ASIC1: variants seen among roughly 807,000 people sequenced by gnomAD.
ASIC1 encodes the protein acid sensing ion channel subunit 1.
ASIC1 carries 21 observed loss-of-function variants against 63.4 expected under a neutral mutation model. The observed-to-expected ratio is 0.33, with a 90% CI of 0.23 to 0.48. The LOEUF (loss-of-function observed/expected upper bound fraction) is 0.48. ASIC1 is among the 20% of genes least tolerant of loss of function. The pLI, the probability that ASIC1 is intolerant of heterozygous loss-of-function variation, is 0.99. For synonymous variants in ASIC1, 258 were observed against 278.2 expected (o/e 0.93, Z 0.72); for missense variants, 478 against 695.5 (o/e 0.69, Z 3.52).
At chr12:50,081,463 C>G in intron 11 of ASIC1, 82 bp from the exon 12 acceptor site, 1 of 955,986 alleles carries the variant, frequency 1.0e-6, no homozygotes, top group East Asian at 5.0e-5. Context: ...ACCACCTTCT[C>G]TCCTTTGCCT....
At chr12:50,080,404 G>A (rs1242610035) in intron 8 of ASIC1, 94 bp from the exon 9 acceptor site, 1 of 1,195,800 alleles carries the variant, frequency 8.4e-7, no homozygotes, top group Non-Finnish European at 1.2e-6. Flanking sequence ...TATGGAAACT[G>A]AGATTCAGAG....
chr12:50,059,994 C>T lies in ASIC1; in HGVS notation c.558+40C>T. ...GTGGGGTGTGAGTCAGCCTGGCCCA[C>T]AGAGGAGGAGGAGGAGACAAGGAGC... On this transcript the variant is annotated intron_variant, in intron 3 of 11. Coordinates refer to ENST00000447966, the MANE Select transcript of ASIC1 (RefSeq NM_001095.4). The surrounding 1 kb of genome is among the most constrained non-coding windows in gnomAD (Gnocchi z 4.6). 1 of 1,603,930 alleles carries T rather than the reference C, an allele frequency of 6.2e-7. No individual in the cohort carries two copies. Among genetic ancestry groups the T allele is most frequent in the Non-Finnish European group, 8.5e-7 (1 of 1,173,698 alleles).
At chr12:50,072,474 G>A (rs1017197505) in intron 3 of ASIC1, among the ~76,000 whole-genome samples, 24 of 152,196 alleles carry the variant, frequency 1.6e-4, no homozygotes, top group Admixed American at 1.2e-3. Context: ...CGGTAGGGGA[G>A]CCTCAGAGAC....
rs368004454 is a variant in ASIC1 at position 50,059,307 on chromosome 12, G to A, written c.362+179G>A. Among the ~76,000 whole-genome samples, 124 of 152,110 alleles carry A rather than the reference G, an allele frequency of 8.2e-4. 1 individual carries two copies. Among genetic ancestry groups the A allele is most frequent in the African/African-American group, 2.9e-3 (120 of 41,490 alleles). On this transcript the variant is annotated intron_variant, in intron 2 of 11. Coordinates refer to ENST00000447966, the MANE Select transcript of ASIC1 (RefSeq NM_001095.4). This position sits in a 1 kb window ranked among gnomAD's most constrained non-coding sequence, Gnocchi z 4.6. ...GGTGCTGCTGAGCACCCAGTTAAGG[G>A]CACCCAGCCTCCGATCCCAGCATAG...
chr12:50,061,653 G>A (rs890765864), intron 3 of ASIC1, among the ~76,000 whole-genome samples: 1 of 152,214 alleles, frequency 6.6e-6, no homozygotes, highest in African/African-American at 2.4e-5. Context: ...TGTTGGATGA[G>A]GGAGAGAAGT....
At chr12:50,081,435 C>T in intron 11 of ASIC1, 71 bp downstream of exon 11, 5 of 1,427,740 alleles carry the variant, frequency 3.5e-6, no homozygotes, top group South Asian at 2.5e-5. Flanking sequence ...CGTCCACCCC[C>T]GCCCACCCGC....
chr12:50,074,278 A>G lies in ASIC1; in HGVS notation c.559-2935A>G, dbSNP rs1295685924. The G allele has an allele frequency of 9.0e-6, 13 of 1,444,598 alleles. No individual in the cohort carries two copies. The Admixed American group carries it at 3.0e-4, about 33-fold the overall frequency. The allele number at this position is 1,444,598 out of a possible 1,614,324, so 89.5% of individuals were successfully genotyped here. On this transcript the variant is annotated intron_variant, in intron 3 of 11. Transcript: ENST00000447966. This position sits in a 1 kb window ranked among gnomAD's most constrained non-coding sequence, Gnocchi z 4.2. The stretch of plus-strand genomic sequence containing the variant: ...AGCCCCATGCCTGCCACAGTACCCC[A>G]AGAGTGTCTGCCATGGCTGTCCCTG...
At chr12:50,067,743 T>G (rs1950560372) in intron 3 of ASIC1, among the ~76,000 whole-genome samples, 1 of 152,142 alleles carries the variant, frequency 6.6e-6, no homozygotes, top group African/African-American at 2.4e-5. Context: ...TTTGAACTAT[T>G]CGCTTTCCTG....
intron 4 of ASIC1, among the ~76,000 whole-genome samples, chr12:50,077,604 A>G (rs1356966252): frequency 6.8e-6 from 1 of 146,854 alleles, no homozygotes; most frequent in East Asian, 2.0e-4. Flanking sequence ...CGCCGCCGCC[A>G]CTCTATAAAT....
chr12:50,079,437 G>T (rs2137847684), intron 7 of ASIC1, among the ~76,000 whole-genome samples: 1 of 152,020 alleles, frequency 6.6e-6, no homozygotes, highest in Admixed American at 6.5e-5. Flanking sequence ...AATCAATAAA[G>T]TTGAGAATAG....
rs1227711210 is a variant in ASIC1, at chr12:50,079,903, C to A, written c.1053C>A (p.Asp351Glu). The A allele has an allele frequency of 1.2e-6, 2 of 1,602,504 alleles. No homozygotes were observed. Among genetic ancestry groups the A allele is most frequent in the East Asian group, 2.2e-5 (1 of 44,764 alleles). ...GACCTCTCACCTGGCTGAGTGCAGA[C>A]TTCCTGGTGGAGAAGGACCAGGAGT... ...QYKECADPALDFLVEKDQEYC... is the reference protein window; with the variant it reads ...QYKECADPALEFLVEKDQEYC... The change falls in exon 8 of 12, where the codon GAC (aspartate) becomes GAA (glutamate). Residue 351 changes from aspartate to glutamate, a missense_variant and splice_region_variant. This residue lies in a region of ASIC1 where 84 missense variants were observed against 183.5 expected (regional missense o/e 0.46). Transcript: ENST00000447966.
At chr12:50,079,227 A>G (rs1950689764) in intron 7 of ASIC1, among the ~76,000 whole-genome samples, 1 of 152,038 alleles carries the variant, frequency 6.6e-6, no homozygotes, top group African/African-American at 2.4e-5. Context: ...GCCTGGTTTC[A>G]TGGTGAAACC....
chr12:50,074,084 A>AT lies in ASIC1; in HGVS notation c.559-3128dup. ...CCCATGCTGGGACTGGATGAAAGTG[A>AT]TGACCCCGGGGTGCCCCTCGCTCCA... On this transcript the variant is annotated intron_variant, in intron 3 of 11. Transcript: ENST00000447966. This position sits in a 1 kb window ranked among gnomAD's most constrained non-coding sequence, Gnocchi z 4.2. The AT allele has an allele frequency of 1.3e-6, 2 of 1,535,296 alleles. No individual in the cohort carries two copies. The highest frequency in any genetic ancestry group is 1.7e-6 in the Non-Finnish European group (2 of 1,146,394).
chr12:50,079,102 T>C, intron 7 of ASIC1, 122 bp downstream of exon 7: 1 of 959,796 alleles, frequency 1.0e-6, no homozygotes, highest in Non-Finnish European at 1.6e-6. Context: ...CTGCACCCTC[T>C]CTTGTGTCTG....
intron 3 of ASIC1, among the ~76,000 whole-genome samples, chr12:50,076,594 G>T (rs1019558229): frequency 1.1e-4 from 16 of 152,122 alleles, no homozygotes; most frequent in Admixed American, 2.6e-4. Context: ...GTGTCCCAAG[G>T]AGGGGCCGTG....
Position 50,058,840 on chromosome 12 carries a change from C to G in ASIC1, c.74C>G (p.Ser25Cys), listed in dbSNP as rs1434311522. The G allele has an allele frequency of 1.2e-6, 2 of 1,613,260 alleles. No individual in the cohort carries two copies. The highest frequency in any genetic ancestry group is 1.7e-6 in the Non-Finnish European group (2 of 1,179,464). The change falls in exon 2 of 12, where the codon TCC becomes TGC. Residue 25 changes from serine (S) to cysteine (C), a missense_variant. By Grantham distance (112) the Ser-to-Cys change is moderately radical. Coordinates refer to ENST00000447966, the MANE Select transcript of ASIC1 (RefSeq NM_001095.4). ...PVSIQAFASS[S>C]TLHGLAHIFS... ...AGCATCCAGGCCTTCGCCAGCAGCT[C>G]CACACTGCACGGCCTGGCCCACATC...
chr12:50,079,788 C>G, intron 7 of ASIC1, 114 bp from the exon 8 acceptor site: 1 of 1,292,302 alleles, frequency 7.7e-7, no homozygotes, highest in Non-Finnish European at 1.1e-6. Context: ...AAGGGCAGGT[C>G]ACGGAAAGAG....
chr12:50,074,146 C>G lies in ASIC1; in HGVS notation c.559-3067C>G. On this transcript the variant is annotated intron_variant, in intron 3 of 11. Coordinates refer to ENST00000447966, the MANE Select transcript of ASIC1 (RefSeq NM_001095.4). The surrounding 1 kb of genome is among the most constrained non-coding windows in gnomAD (Gnocchi z 4.2). ...GGCCTTCTCTGGGGAGCCCTTTAAC[C>G]TGCACCGCTTCTACAATCGCTCCTG... is the stretch of plus-strand genomic sequence containing the variant. The G allele has an allele frequency of 6.5e-7, 1 of 1,535,682 alleles. No individual in the cohort carries two copies. The highest frequency in any genetic ancestry group is 2.4e-5 in the East Asian group (1 of 40,906).
chr12:50,063,081 C>T (rs989825196), intron 3 of ASIC1, among the ~76,000 whole-genome samples: 2 of 152,234 alleles, frequency 1.3e-5, no homozygotes, highest in African/African-American at 4.8e-5. Context: ...CCCCTCTTCC[C>T]GGCCACCTCC....
Sources: allele counts gnomAD v4.1 joint callset (sites outside exome capture counted in the v4.1 genomes callset), GRCh38; gene constraint gnomAD v4.1.1; regional missense constraint gnomAD v4.1.1; non-coding constraint Gnocchi (gnomAD v3.1); transcripts MANE v1.5; gene names NCBI Gene and HGNC (gene_info 2026-07-23, HGNC 2026-07-21).